Variants in CCER1 observed in about 807,000 individuals in gnomAD.
CCER1 encodes coiled-coil glutamate rich protein 1.
For synonymous variants in CCER1, 246 were observed against 213.8 expected (o/e 1.15, Z -1.31); for missense variants, 573 against 524.5 (o/e 1.09, Z -0.90).
In CCER1 at chr12:90,953,363, A is replaced by C; in HGVS notation, c.*159T>G. 1.2e-6 allele frequency: 1 copy of C among 811,714 alleles called. No individual in the cohort carries two copies. The highest frequency in any genetic ancestry group is 1.9e-6 in the Non-Finnish European group (1 of 536,856). The allele number at this position is 811,714 out of a possible 1,614,324, so 50.3% of individuals were successfully genotyped here. On this transcript the variant is annotated 3_prime_UTR_variant, in exon 1 of 1. Coordinates refer to ENST00000358859, the MANE Select transcript of CCER1 (RefSeq NM_152638.4). ...CCACCACCCACCCATAGTCATACACATACGCATCAAATTTTAAACATTTTA... is the reference window on the plus strand; with the variant it reads ...CCACCACCCACCCATAGTCATACACCTACGCATCAAATTTTAAACATTTTA...
Position 90,954,839 on chromosome 12 carries a change from C to G in CCER1, c.-97G>C, listed in dbSNP as rs1299657716. On this transcript the variant is annotated 5_prime_UTR_variant, in exon 1 of 1. Transcript: ENST00000358859. ...GTCAGAAGAGCCTCGTCTCGTCAACCTGTCTCTCCACGCAGCGCCACGTGT... is the reference window on the plus strand; with the variant it reads ...GTCAGAAGAGCCTCGTCTCGTCAACGTGTCTCTCCACGCAGCGCCACGTGT... The G allele has an allele frequency of 1.6e-5, 24 of 1,467,658 alleles. No individual in the cohort carries two copies. The highest frequency in any genetic ancestry group is 2.2e-5 in the Non-Finnish European group (24 of 1,106,074). 90.9% of individuals were successfully genotyped at this position (1,467,658 alleles called of 1,614,324 possible).
At position 90,954,845 on chromosome 12, in the gene CCER1, C is replaced by T; in HGVS notation, c.-103G>A. 6.8e-7 allele frequency: 1 copy of T among 1,464,136 alleles called. No homozygotes were observed. The highest frequency in any genetic ancestry group is 9.1e-7 in the Non-Finnish European group (1 of 1,104,790). The allele number at this position is 1,464,136 out of a possible 1,614,324, so 90.7% of individuals were successfully genotyped here. On this transcript the variant is annotated 5_prime_UTR_variant, in exon 1 of 1. Coordinates refer to ENST00000358859, the MANE Select transcript of CCER1 (RefSeq NM_152638.4). Reference sequence around the variant, plus strand: ...AGAGCCTCGTCTCGTCAACCTGTCTCTCCACGCAGCGCCACGTGTCTACCC... The same window carrying T: ...AGAGCCTCGTCTCGTCAACCTGTCTTTCCACGCAGCGCCACGTGTCTACCC...
At position 90,954,266 on chromosome 12, in the gene CCER1, C is replaced by G. The variant is rs1274085445; in HGVS notation, c.477G>C (p.Pro159=). The change falls in exon 1 of 1, where the codon CCG becomes CCC. Residue 159 remains proline (P), a synonymous_variant. Coordinates refer to ENST00000358859, the MANE Select transcript of CCER1 (RefSeq NM_152638.4). The part of the protein sequence containing the change: ...GLRHHPRHSY[P]RSPPADVSTL... ...TGCTCACATCCGCTGGCGGGCTCCGCGGGTAGGAGTGGCGAGGGTGGTGGC... is the reference window on the plus strand; with the variant it reads ...TGCTCACATCCGCTGGCGGGCTCCGGGGGTAGGAGTGGCGAGGGTGGTGGC... 4 of 1,602,754 alleles carry G rather than the reference C, an allele frequency of 2.5e-6. No individual in the cohort carries two copies. The highest frequency in any genetic ancestry group is 2.2e-5 in the South Asian group (2 of 90,900).
Position 90,953,633 on chromosome 12 carries a change from C to G in CCER1, c.1110G>C (p.Glu370Asp), listed in dbSNP as rs780961194. Reference sequence around the variant, plus strand: ...TAAAGTTCTCTCTCTTTTCTTCAGCCTCTACGAAGATTGATAAAGGCATTT... The same window carrying G: ...TAAAGTTCTCTCTCTTTTCTTCAGCGTCTACGAAGATTGATAAAGGCATTT... ...PLEMPLSIFVEAEEKRENFIS... is the reference protein window; with the variant it reads ...PLEMPLSIFVDAEEKRENFIS... The change falls in exon 1 of 1, where the codon GAG becomes GAC. Residue 370 changes from glutamate (E) to aspartate (D), a missense_variant. Glu to Asp is a conservative substitution (Grantham distance 45). Transcript: ENST00000358859. The G allele has an allele frequency of 1.2e-6, 2 of 1,614,110 alleles. No homozygotes were observed. The highest frequency in any genetic ancestry group is 3.3e-5 in the Admixed American group (2 of 60,010).
chr12:90,953,219 A>C lies in CCER1; in HGVS notation c.*303T>G. 3.4e-6 allele frequency: 1 copy of C among 293,008 alleles called. No homozygotes were observed. The highest frequency in any genetic ancestry group is 6.2e-6 in the Non-Finnish European group (1 of 160,068). The allele number at this position is 293,008 out of a possible 1,614,324, so 18.2% of individuals were successfully genotyped here. ...CGCTTTTTCAGCATTGCCAGATTTA[A>C]AAAAACAACAGCAACTCTGTTTTCT... On this transcript the variant is annotated 3_prime_UTR_variant, in exon 1 of 1. Transcript: ENST00000358859.
Position 90,953,704 on chromosome 12 carries a change from G to C in CCER1, c.1039C>G (p.Leu347Val). The C allele has an allele frequency of 6.2e-7, 1 of 1,612,710 alleles. No individual in the cohort carries two copies. The highest frequency in any genetic ancestry group is 1.3e-5 in the African/African-American group (1 of 74,952). The change falls in exon 1 of 1, where the codon CTG (leucine) becomes GTG (valine). Residue 347 changes from leucine (L) to valine (V), a missense_variant. Leu to Val is a conservative substitution (Grantham distance 32). Coordinates refer to ENST00000358859, the MANE Select transcript of CCER1 (RefSeq NM_152638.4). Reference sequence around the variant, plus strand: ...TCCCCTCTCTGCTCGTTCTCCTCCAGGACCTCCTCTTCCTCTTCCAGCTCC... The same window carrying C: ...TCCCCTCTCTGCTCGTTCTCCTCCACGACCTCCTCTTCCTCTTCCAGCTCC... Reference protein sequence around the residue: ...EEELEEEEEVLEENEQRGEEF... With the variant: ...EEELEEEEEVVEENEQRGEEF...
rs906156943 is a variant in CCER1 at position 90,952,574 on chromosome 12, ATCTTTGTTTTACTCT to A, written c.*933_*947del. 1.3e-5 allele frequency: 2 copies of A among 152,222 alleles called. No homozygotes were observed. The highest frequency in any genetic ancestry group is 4.8e-5 in the African/African-American group (2 of 41,460). The allele number at this position is 152,222 out of a possible 1,614,324, so 9.4% of individuals were successfully genotyped here. On this transcript the variant is annotated 3_prime_UTR_variant, in exon 1 of 1. Transcript: ENST00000358859. The stretch of plus-strand genomic sequence containing the variant: ...AGCTCACACAGACTCACACTTACAC[ATCTTTGTTTTACTCT>A]TCTTTATAACAAAGACAAATTCAAA...
In CCER1 at chr12:90,954,071, C is replaced by G. The variant is rs1242633542; in HGVS notation, c.672G>C (p.Glu224Asp). 1 of 1,613,844 alleles carries G rather than the reference C, an allele frequency of 6.2e-7. No homozygotes were observed. The highest frequency in any genetic ancestry group is 1.7e-5 in the Admixed American group (1 of 60,036). The change falls in exon 1 of 1, where the codon GAG becomes GAC. Residue 224 changes from glutamate to aspartate, a missense_variant. Transcript: ENST00000358859. ...TTCCGGAGGATCTGGCTGGGGAGGC[C>G]TCGCCGCTCACCGTGGCCTTCTGCG... ...LRAQKATVSG[E>D]ASPARSSGND... is the part of the protein sequence containing the mutation.
Position 90,953,617 on chromosome 12 carries a change from C to T in CCER1, c.1126G>A (p.Glu376Lys), listed in dbSNP as rs761519228. The change falls in exon 1 of 1, where the codon GAG becomes AAG. Residue 376 changes from glutamate (E) to lysine (K), a missense_variant. Physicochemically the swap from Glu to Lys is moderately conservative, Grantham distance 56. Coordinates refer to ENST00000358859, the MANE Select transcript of CCER1 (RefSeq NM_152638.4). ...AAAAAAGTGCAGCTTATAAAGTTCT[C>T]TCTCTTTTCTTCAGCCTCTACGAAG... ...SIFVEAEEKR[E>K]NFISCTFLNP... is the part of the protein sequence containing the mutation. 9.9e-6 allele frequency: 16 copies of T among 1,614,022 alleles called. No homozygotes were observed. In the South Asian group the frequency reaches 1.8e-4, roughly 18 times the overall value.
At position 90,953,188 on chromosome 12, in the gene CCER1, A is replaced by G. The variant is rs1473744964; in HGVS notation, c.*334T>C. 5 of 233,054 alleles carry G rather than the reference A, an allele frequency of 2.1e-5. No individual in the cohort carries two copies. Among genetic ancestry groups the G allele is most frequent in the Non-Finnish European group, 3.3e-5 (4 of 121,810 alleles). 14.4% of individuals were successfully genotyped at this position (233,054 alleles called of 1,614,324 possible). On this transcript the variant is annotated 3_prime_UTR_variant, in exon 1 of 1. Transcript: ENST00000358859. Reference sequence around the variant, plus strand: ...CCAAGTTGTATAAATTTGTTTCAAAAACAAACGCTTTTTCAGCATTGCCAG... The same window carrying G: ...CCAAGTTGTATAAATTTGTTTCAAAGACAAACGCTTTTTCAGCATTGCCAG...
rs1565866171 is a variant in CCER1 at position 90,953,771 on chromosome 12, CTCTTCGACCTCTTCTTCCTCCTCA to C, written c.948_971del (p.Asp316_Glu323del). The C allele has an allele frequency of 4.5e-6, 7 of 1,539,136 alleles. No individual in the cohort carries two copies. Among genetic ancestry groups the C allele is most frequent in the Non-Finnish European group, 6.3e-6 (7 of 1,111,922 alleles). ...CCTCTCCCTCCTCCACATATTCAGC[CTCTTCGACCTCTTCTTCCTCCTCA>C]TCTTCGACCTCTTCCTCCTCATCTT... On this transcript the variant is annotated inframe_deletion, in exon 1 of 1. Transcript: ENST00000358859.
In CCER1 at chr12:90,953,241, T is replaced by G; in HGVS notation, c.*281A>C. 1 of 333,364 alleles carries G rather than the reference T, an allele frequency of 3.0e-6. No homozygotes were observed. The highest frequency in any genetic ancestry group is 5.4e-6 in the Non-Finnish European group (1 of 186,000). The allele number at this position is 333,364 out of a possible 1,614,324, so 20.7% of individuals were successfully genotyped here. ...TTAAAAAAACAACAGCAACTCTGTT[T>G]TCTAGAGGGGAAAACACCAAATGAA... On this transcript the variant is annotated 3_prime_UTR_variant, in exon 1 of 1. Transcript: ENST00000358859.
rs568255782 is a variant in CCER1, at chr12:90,954,597, T to C, written c.146A>G (p.Asn49Ser). ...CTTGGGGCTATATCGGTGCGGTCTA[T>C]TGTACGCTGGAGCACCCGGGCGCCT... ...HRRRPGAPAY[N>S]RPHRYSPKTE... Residue 49 changes from asparagine to serine, a missense_variant, in exon 1 of 1, where the codon AAT (asparagine) becomes AGT (serine). By Grantham distance (46) the Asn-to-Ser change is conservative (BLOSUM62 1). Transcript: ENST00000358859. 1.2e-6 allele frequency: 2 copies of C among 1,613,876 alleles called. No homozygotes were observed. The highest frequency in any genetic ancestry group is 1.3e-5 in the African/African-American group (1 of 75,032).
In CCER1 at chr12:90,953,509, C is replaced by G. The variant is rs1876534390; in HGVS notation, c.*13G>C. On this transcript the variant is annotated 3_prime_UTR_variant, in exon 1 of 1. Coordinates refer to ENST00000358859, the MANE Select transcript of CCER1 (RefSeq NM_152638.4). ...ATCAGTTCCATCCCTTTTCTCAATC[C>G]CTTTTCTGATGTCTAACAGTTAAAG... The G allele has an allele frequency of 3.8e-6, 6 of 1,593,140 alleles. No individual in the cohort carries two copies. Among genetic ancestry groups the G allele is most frequent in the Non-Finnish European group, 5.1e-6 (6 of 1,171,228 alleles).
rs1239810959 is a variant in CCER1 at position 90,954,097 on chromosome 12, C to T, written c.646G>A (p.Ala216Thr). The part of the protein sequence containing the change: ...KVERQQEALR[A>T]QKATVSGEAS... ...TCGCCGCTCACCGTGGCCTTCTGCGCCCGCAGCGCCTCCTGCTGACGCTCC... is the reference window on the plus strand; with the variant it reads ...TCGCCGCTCACCGTGGCCTTCTGCGTCCGCAGCGCCTCCTGCTGACGCTCC... The change falls in exon 1 of 1, where the codon GCG becomes ACG. Residue 216 changes from alanine to threonine, a missense_variant. By Grantham distance (58) the Ala-to-Thr change is moderately conservative (BLOSUM62 0). Transcript: ENST00000358859. 6 of 1,613,226 alleles carry T rather than the reference C, an allele frequency of 3.7e-6. No individual in the cohort carries two copies. In the South Asian group the frequency reaches 4.4e-5, roughly 12 times the overall value.
chr12:90,954,587 G>C lies in CCER1; in HGVS notation c.156C>G (p.His52Gln), dbSNP rs372103112. Residue 52 changes from histidine to glutamine, a missense_variant, in exon 1 of 1, where the codon CAC becomes CAG. Transcript: ENST00000358859. ...CATACTCGGTCTTGGGGCTATATCG[G>C]TGCGGTCTATTGTACGCTGGAGCAC... Reference protein sequence around the residue: ...RPGAPAYNRPHRYSPKTEYGP... With the variant: ...RPGAPAYNRPQRYSPKTEYGP... 35 of 1,613,832 alleles carry C rather than the reference G, an allele frequency of 2.2e-5. No individual in the cohort carries two copies. Among genetic ancestry groups the C allele is most frequent in the Non-Finnish European group, 2.9e-5 (34 of 1,180,006 alleles).
chr12:90,954,579 C>T lies in CCER1; in HGVS notation c.164G>A (p.Ser55Asn), dbSNP rs749373110. ...APAYNRPHRYSPKTEYGPPRK... is the reference protein window; with the variant it reads ...APAYNRPHRYNPKTEYGPPRK... ...TGGGGGCCCATACTCGGTCTTGGGGCTATATCGGTGCGGTCTATTGTACGC... is the reference window on the plus strand; with the variant it reads ...TGGGGGCCCATACTCGGTCTTGGGGTTATATCGGTGCGGTCTATTGTACGC... Residue 55 changes from serine to asparagine, a missense_variant, in exon 1 of 1, where the codon AGC (serine) becomes AAC (asparagine). Ser to Asn is a conservative substitution (Grantham distance 46). Coordinates refer to ENST00000358859, the MANE Select transcript of CCER1 (RefSeq NM_152638.4). 3.1e-6 allele frequency: 5 copies of T among 1,613,994 alleles called. No individual in the cohort carries two copies. The highest frequency in any genetic ancestry group is 4.2e-6 in the Non-Finnish European group (5 of 1,179,996).
rs1049326653 is a variant in CCER1, at chr12:90,954,870, C to G, written c.-128G>C. 10 of 1,446,514 alleles carry G rather than the reference C, an allele frequency of 6.9e-6. No individual in the cohort carries two copies. The East Asian group carries it at 1.5e-4, about 22-fold the overall frequency. 89.6% of individuals were successfully genotyped at this position (1,446,514 alleles called of 1,614,324 possible). A position where few individuals can be genotyped will look rare whatever the true frequency, so the allele number is the denominator to read the frequency against. On this transcript the variant is annotated 5_prime_UTR_variant, in exon 1 of 1. Coordinates refer to ENST00000358859, the MANE Select transcript of CCER1 (RefSeq NM_152638.4). ...CTCCACGCAGCGCCACGTGTCTACC[C>G]CTGGGATCACGTTTTCCTCTCCAGG... is the stretch of plus-strand genomic sequence containing the variant.
chr12:90,954,928 G>T lies in CCER1; in HGVS notation c.-186C>A, dbSNP rs1307294771. 13 of 1,178,470 alleles carry T rather than the reference G, an allele frequency of 1.1e-5. No homozygotes were observed. Among genetic ancestry groups the T allele is most frequent in the African/African-American group, 3.1e-5 (2 of 64,458 alleles). 73.0% of individuals were successfully genotyped at this position (1,178,470 alleles called of 1,614,324 possible). On this transcript the variant is annotated 5_prime_UTR_variant, in exon 1 of 1. Coordinates refer to ENST00000358859, the MANE Select transcript of CCER1 (RefSeq NM_152638.4). ...TCTCTTCCTGGTTTGCACGCTCTTC[G>T]GTAGTAATCGCTTGTCCTTCGCACC...
Sources: gnomAD v4.1 joint callset for allele counts on GRCh38, gnomAD v4.1.1 for gene constraint, MANE v1.5 for transcripts, NCBI Gene and HGNC (gene_info 2026-07-23, HGNC 2026-07-21) for gene names.